IL1RAPL1: variants seen among roughly 807,000 people sequenced by gnomAD.
The protein encoded by IL1RAPL1 is interleukin 1 receptor accessory protein like 1, also known as interleukin-1 receptor accessory protein-like 1.
Under a neutral mutation model 48.4 loss-of-function variants are expected in IL1RAPL1, and 3 were observed. That is an observed-to-expected ratio of 0.06 (90% CI 0.03 to 0.16). The LOEUF is 0.16. IL1RAPL1 is among the 10% of genes least tolerant of loss of function. The pLI, the probability that IL1RAPL1 is intolerant of heterozygous loss-of-function variation, is 1.00. For synonymous variants in IL1RAPL1, 185 were observed against 187.7 expected, an observed-to-expected ratio of 0.99 and a Z score of 0.12; for missense variants, 349 against 530.6, an observed-to-expected ratio of 0.66 and a Z score of 3.36.
At chrX:29,608,617 G>C (rs1215317551) in intron 5 of IL1RAPL1, among the ~76,000 whole-genome samples, 1 of 109,992 alleles carries the variant, frequency 9.1e-6, no homozygotes, top group African/African-American at 3.3e-5. Flanking sequence ...ACGAGGTCAG[G>C]AGATCGAGAC....
chrX:28,905,641 A>G (rs1371175757), intron 2 of IL1RAPL1, among the ~76,000 whole-genome samples: 1 of 112,287 alleles, frequency 8.9e-6, no homozygotes, highest in Non-Finnish European at 1.9e-5. Context: ...ATGTTGTTAT[A>G]TTAAGATAGT....
chrX:28,707,635 G>A (rs1336450421), intron 1 of IL1RAPL1, among the ~76,000 whole-genome samples: 1 of 111,928 alleles, frequency 8.9e-6, no homozygotes, highest in Non-Finnish European at 1.9e-5. Context: ...ATCTACTTTG[G>A]TGGCAATGCT....
chrX:29,146,374 A>C (rs1468628069), intron 2 of IL1RAPL1, among the ~76,000 whole-genome samples: 1 of 110,491 alleles, frequency 9.1e-6, no homozygotes, highest in Non-Finnish European at 1.9e-5. Flanking sequence ...TTTCCAGGCC[A>C]CTCTAAAATT....
In IL1RAPL1 at chrX:29,955,421, A is replaced by G; in HGVS notation, c.1692A>G (p.Ile564Met). Residue 564 changes from isoleucine (I) to methionine (M), a missense_variant, in exon 11 of 11, where the codon ATA (isoleucine) becomes ATG (methionine). Transcript: ENST00000378993. ...RLQYEMPFKR[I>M]EPITHEQALD... is the part of the protein sequence containing the mutation. ...AGTATGAAATGCCTTTTAAGAGGATAGAACCCATTACACATGAGCAGGCTT... is the reference window on the plus strand; with the variant it reads ...AGTATGAAATGCCTTTTAAGAGGATGGAACCCATTACACATGAGCAGGCTT... The G allele has an allele frequency of 8.3e-7, 1 of 1,211,442 alleles. No homozygotes were observed. The highest frequency in any genetic ancestry group is 1.1e-6 in the Non-Finnish European group (1 of 895,427).
At chrX:29,369,114 C>A (rs1015640157) in intron 3 of IL1RAPL1, 5 of 111,251 alleles carry the variant, frequency 4.5e-5, no homozygotes, top group African/African-American at 1.6e-4. Context: ...TTTATGAGTC[C>A]TTCAGGCCTG....
At chrX:28,853,440 C>T (rs1921717530) in intron 2 of IL1RAPL1, among the ~76,000 whole-genome samples, 1 of 70,018 alleles carries the variant, frequency 1.4e-5, no homozygotes, top group Non-Finnish European at 2.3e-5. Context: ...AGTTTTTATA[C>T]CTTTTTATCC....
At chrX:29,917,330 C>G (rs1241949708) in intron 6 of IL1RAPL1, 134 bp from the exon 7 acceptor site, 1 of 581,052 alleles carries the variant, frequency 1.7e-6, no homozygotes, top group African/African-American at 2.3e-5. Context: ...GATTGAAAAT[C>G]CCTGAAAAAT....
At chrX:29,802,801 ATATATATATG>A (rs1569172800) in intron 6 of IL1RAPL1, among the ~76,000 whole-genome samples, 20 of 48,212 alleles carry the variant, frequency 4.1e-4, no homozygotes, top group African/African-American at 1.8e-3. Flanking sequence ...GTATATATAT[ATATATATATG>A]TGTGTATATA....
chrX:29,450,090 C>G (rs1164507396), intron 5 of IL1RAPL1, among the ~76,000 whole-genome samples: 2 of 111,541 alleles, frequency 1.8e-5, no homozygotes, highest in Non-Finnish European at 3.8e-5. Context: ...AAATGTCAAA[C>G]TGGAAAGGAA....
intron 5 of IL1RAPL1, among the ~76,000 whole-genome samples, chrX:29,578,486 T>C (rs1922847076): frequency 8.9e-6 from 1 of 112,121 alleles, no homozygotes; most frequent in Admixed American, 9.5e-5. Context: ...GTTATGATGA[T>C]CAACTTTGAA....
At chrX:29,722,388 G>C (rs974758492) in intron 6 of IL1RAPL1, among the ~76,000 whole-genome samples, 1 of 111,960 alleles carries the variant, frequency 8.9e-6, no homozygotes, top group African/African-American at 3.2e-5. Flanking sequence ...TCCAAGAGGA[G>C]ACAAATAGCC....
intron 6 of IL1RAPL1, among the ~76,000 whole-genome samples, chrX:29,821,828 G>A (rs1930627238): frequency 8.9e-6 from 1 of 112,416 alleles, no homozygotes; most frequent in Non-Finnish European, 1.9e-5. Flanking sequence ...TATTCTTAGT[G>A]CTTCAGCTTT....
At chrX:28,848,909 G>T (rs1036591806) in intron 2 of IL1RAPL1, among the ~76,000 whole-genome samples, 1 of 111,633 alleles carries the variant, frequency 9.0e-6, no homozygotes, top group African/African-American at 3.3e-5. Context: ...CAGTCAAATA[G>T]TTCTGTTAAC....
intron 2 of IL1RAPL1, among the ~76,000 whole-genome samples, chrX:29,060,382 A>G (rs1447263130): frequency 8.9e-6 from 1 of 111,809 alleles, no homozygotes; most frequent in Non-Finnish European, 1.9e-5. Flanking sequence ...CTACCAAAAT[A>G]TTATGTGCAC....
intron 2 of IL1RAPL1, among the ~76,000 whole-genome samples, chrX:28,806,651 GGCAACTTGC>G (rs1936735219): frequency 9.0e-6 from 1 of 111,106 alleles, no homozygotes; most frequent in Admixed American, 9.6e-5. Flanking sequence ...AGTTCAATTT[GGCAACTTGC>G]GCATTCATTC....
Position 29,308,130 on chromosome X carries a change from A to G in IL1RAPL1, c.362+24913A>G, listed in dbSNP as rs184477976. Among the ~76,000 whole-genome samples, 276 of 112,020 alleles carry G rather than the reference A, an allele frequency of 2.5e-3. 2 individuals carry two copies. The highest frequency in any genetic ancestry group is 4.4e-3 in the Non-Finnish European group (233 of 53,213). The stretch of plus-strand genomic sequence containing the variant: ...GATTCACGAACTGAAAAGTCCAAGG[A>G]TAGCCTGGCTTTTTAGGCATGTCTG... On this transcript the variant is annotated intron_variant, in intron 3 of 10. Transcript: ENST00000378993.
chrX:29,188,769 T>C (rs1930300211), intron 2 of IL1RAPL1, among the ~76,000 whole-genome samples: 1 of 108,884 alleles, frequency 9.2e-6, no homozygotes, highest in Non-Finnish European at 1.9e-5. Context: ...TTATTTTTAG[T>C]AGAGATAGGG....
chrX:29,173,990 G>A lies in IL1RAPL1; in HGVS notation c.83-108948G>A, dbSNP rs761839453. Among the ~76,000 whole-genome samples, 135 of 109,270 alleles carry A rather than the reference G, an allele frequency of 1.2e-3. 1 individual carries two copies. Among genetic ancestry groups the A allele is most frequent in the Middle Eastern group, 9.4e-3 (2 of 212 alleles). 94.9% of individuals were successfully genotyped at this position (109,270 alleles called of 115,157 possible). On this transcript the variant is annotated intron_variant, in intron 2 of 10. Transcript: ENST00000378993. ...GGCTAGAGTGCAATGGAACGATCTC[G>A]GCTCACTACACCCTCCACCTCCTGG...
In IL1RAPL1 at chrX:29,552,844, A is replaced by C. The variant is rs1921865317; in HGVS notation, c.704-115586A>C. The stretch of plus-strand genomic sequence containing the variant: ...TTTTTTTTTGCATTTCAGTTTGGCA[A>C]GTTTCTATTGATTAAGTGTCAATAG... On this transcript the variant is annotated intron_variant, in intron 5 of 10. Transcript: ENST00000378993. Among the ~76,000 whole-genome samples the C allele has an allele frequency of 4.5e-5, 3 of 66,156 alleles. No homozygotes were observed. In the Admixed American group the frequency reaches 5.5e-4, roughly 12 times the overall value. 57.4% of individuals were successfully genotyped at this position (66,156 alleles called of 115,157 possible).
Sources: gnomAD v4.1 joint callset for allele counts (sites outside exome capture counted in the v4.1 genomes callset) on GRCh38, gnomAD v4.1.1 for gene constraint, MANE v1.5 for transcripts, NCBI Gene and HGNC (gene_info 2026-07-23, HGNC 2026-07-21) for gene names.